ADAMTSL1: variants seen among roughly 807,000 people sequenced by gnomAD.
ADAMTSL1 encodes the protein ADAMTS like 1.
A neutral mutation model predicts 201.8 loss-of-function variants in ADAMTSL1; 126 were observed. The observed-to-expected ratio is 0.62, with a 90% CI of 0.54 to 0.72. ADAMTSL1 has a LOEUF of 0.72. Ranked by LOEUF, ADAMTSL1 falls within the 30% of genes least tolerant of loss-of-function variation. The pLI is 0.00. For missense variants in ADAMTSL1, 2,679 were observed against 2,277.8 expected (o/e 1.18, Z -3.59); for synonymous variants, 1,121 against 903.4 (o/e 1.24, Z -4.32).
At chr9:18,050,580 G>A (rs181107600) in intron 1 of ADAMTSL1, among the ~76,000 whole-genome samples, 5 of 152,094 alleles carry the variant, frequency 3.3e-5, no homozygotes, top group African/African-American at 1.2e-4. Flanking sequence ...GCTTGAAATG[G>A]CCTTTTTCTA....
intron 2 of ADAMTSL1, among the ~76,000 whole-genome samples, chr9:18,260,155 A>C (rs189651205): frequency 4.1e-4 from 62 of 152,288 alleles, no homozygotes; most frequent in Non-Finnish European, 7.4e-4. Flanking sequence ...CCAGCTAGCA[A>C]TGTTGGCATT....
intron 23 of ADAMTSL1, among the ~76,000 whole-genome samples, chr9:18,837,655 A>G (rs986421437): frequency 6.6e-6 from 1 of 152,222 alleles, no homozygotes; most frequent in African/African-American, 2.4e-5. Context: ...CAGATTTACA[A>G]AAACCACGTG....
intron 3 of ADAMTSL1, among the ~76,000 whole-genome samples, chr9:18,559,613 CA>C (rs891429785): frequency 4.6e-5 from 7 of 152,254 alleles, no homozygotes; most frequent in African/African-American, 1.7e-4. Context: ...TGGCCATTTT[CA>C]CGATATTGAT....
chr9:18,178,692 A>G (rs1165760368), intron 2 of ADAMTSL1, among the ~76,000 whole-genome samples: 1 of 151,612 alleles, frequency 6.6e-6, no homozygotes, highest in Non-Finnish European at 1.5e-5. Flanking sequence ...GAACGGGCAG[A>G]CTGCCTCCTC....
chr9:17,958,862 C>T (rs934694201), intron 1 of ADAMTSL1, among the ~76,000 whole-genome samples: 1 of 152,056 alleles, frequency 6.6e-6, no homozygotes, highest in African/African-American at 2.4e-5. Flanking sequence ...CATTATAATT[C>T]CCGGCAATAG....
intron 1 of ADAMTSL1, among the ~76,000 whole-genome samples, chr9:18,489,648 A>G (rs1395790511): frequency 6.6e-6 from 1 of 152,206 alleles, no homozygotes; most frequent in Non-Finnish European, 1.5e-5. Context: ...AGTCTTCCAC[A>G]CAGACTAGTC....
chr9:18,088,587 C>G (rs1319222414), intron 1 of ADAMTSL1, among the ~76,000 whole-genome samples: 3 of 152,212 alleles, frequency 2.0e-5, no homozygotes, highest in African/African-American at 7.2e-5. Context: ...GAAATTTCTT[C>G]AAAGAATACA....
At chr9:18,271,673 T>A (rs1832374271) in intron 2 of ADAMTSL1, among the ~76,000 whole-genome samples, 1 of 152,198 alleles carries the variant, frequency 6.6e-6, no homozygotes, top group Admixed American at 6.5e-5. Flanking sequence ...TGATTTATAA[T>A]CCTTTGGGTA....
chr9:18,828,651 A>T (rs1824749148), intron 22 of ADAMTSL1, among the ~76,000 whole-genome samples: 1 of 11,596 alleles, frequency 8.6e-5, no homozygotes, highest in Non-Finnish European at 1.6e-4. Context: ...GATTCTTTTG[A>T]AAGTATATTT....
chr9:18,141,291 C>G (rs1397157867), intron 1 of ADAMTSL1, among the ~76,000 whole-genome samples: 11 of 152,034 alleles, frequency 7.2e-5, no homozygotes, highest in African/African-American at 2.7e-4. Flanking sequence ...TCATCATGGA[C>G]AGAAGAACAT....
intron 9 of ADAMTSL1, among the ~76,000 whole-genome samples, chr9:18,673,099 C>G: frequency 6.6e-6 from 1 of 152,096 alleles, no homozygotes; most frequent in East Asian, 1.9e-4. Context: ...TTCACCACAC[C>G]CCACATATTC....
chr9:18,643,550 A>C (rs1294347959), intron 7 of ADAMTSL1, among the ~76,000 whole-genome samples: 1 of 152,094 alleles, frequency 6.6e-6, no homozygotes, highest in Non-Finnish European at 1.5e-5. Context: ...CAGGTCTTAC[A>C]CTTAAGTCTT....
At chr9:18,579,496 T>TA (rs200531330) in intron 4 of ADAMTSL1, among the ~76,000 whole-genome samples, 3,020 of 151,488 alleles carry the variant, frequency 0.02, 37 homozygotes, top group Non-Finnish European at 0.03. Context: ...AAAGTATAAT[T>TA]AAAAAATAAA....
chr9:18,073,280 G>A (rs1181817570), intron 1 of ADAMTSL1, among the ~76,000 whole-genome samples: 1 of 152,164 alleles, frequency 6.6e-6, no homozygotes, highest in Non-Finnish European at 1.5e-5. Flanking sequence ...AGAAGGCTGT[G>A]TGGAGCTGAG....
At chr9:18,592,883 C>T (rs1436707364) in intron 4 of ADAMTSL1, among the ~76,000 whole-genome samples, 1 of 151,920 alleles carries the variant, frequency 6.6e-6, no homozygotes, top group East Asian at 1.9e-4. Flanking sequence ...TTTTGGTGTA[C>T]TGTTCAGTTT....
At chr9:18,538,593 A>G (rs141854052) in intron 3 of ADAMTSL1, among the ~76,000 whole-genome samples, 2 of 152,104 alleles carry the variant, frequency 1.3e-5, no homozygotes, top group African/African-American at 4.8e-5. Flanking sequence ...ATAGCAAGGG[A>G]TAAAGTAGAG....
intron 1 of ADAMTSL1, among the ~76,000 whole-genome samples, chr9:18,055,904 T>C (rs1170491918): frequency 2.0e-5 from 3 of 152,250 alleles, no homozygotes; most frequent in Non-Finnish European, 4.4e-5. Flanking sequence ...CTATTAACTA[T>C]GCTTTCAGGT....
At chr9:17,928,503 T>G (rs1475162886) in intron 1 of ADAMTSL1, among the ~76,000 whole-genome samples, 3 of 152,188 alleles carry the variant, frequency 2.0e-5, no homozygotes, top group Non-Finnish European at 4.4e-5. Context: ...CAAGGAGGAT[T>G]CTTGTGTTTA....
Position 18,801,129 on chromosome 9 carries a change from C to G in ADAMTSL1, c.3805+5605C>G, listed in dbSNP as rs1251156583. 3.3e-5 allele frequency among the ~76,000 whole-genome samples: 5 copies of G among 152,116 alleles called. No individual in the cohort carries two copies. The South Asian group carries it at 1.0e-3, about 32-fold the overall frequency. On this transcript the variant is annotated intron_variant, in intron 20 of 28. Coordinates refer to ENST00000380548, the MANE Select transcript of ADAMTSL1 (RefSeq NM_001040272.6). ...GGCCCTGTAATATTTATGCTGAAGG[C>G]GTGCCAACTAAACAGAATTTCAAGG...
Sources: allele counts gnomAD v4.1 joint callset (sites outside exome capture counted in the v4.1 genomes callset), GRCh38; gene constraint gnomAD v4.1.1; transcripts MANE v1.5; gene names NCBI Gene and HGNC (gene_info 2026-07-23, HGNC 2026-07-21).